CPQ: variants seen among roughly 807,000 people sequenced by gnomAD.
CPQ encodes the protein Ser-Met dipeptidase.
CPQ carries 37 observed loss-of-function variants against 45.7 expected under a neutral mutation model. The ratio of observed to expected loss-of-function variants is 0.81; its 90% CI spans 0.62 to 1.07. CPQ has a LOEUF of 1.07. Ranked by LOEUF, CPQ falls within the 50% of genes least tolerant of loss-of-function variation. CPQ has a pLI of 0.00. For missense variants in CPQ, 537 were observed against 572.9 expected (o/e 0.94, Z 0.64); for synonymous variants, 186 against 205.8 (o/e 0.90, Z 0.82).
chr8:96,678,775 A>G lies in CPQ; in HGVS notation c.-35+33373A>G, dbSNP rs369598708. On this transcript the variant is annotated intron_variant, in intron 1 of 7. Coordinates refer to ENST00000220763, the MANE Select transcript of CPQ (RefSeq NM_016134.4). ...TATTTGGGCTTTTTTTTTTTTTTTT[A>G]GCTGTTGAGTTGTTTGATTTCCTGT... 2.1e-4 allele frequency among the ~76,000 whole-genome samples: 4 copies of G among 18,676 alleles called. No individual in the cohort carries two copies. In the East Asian group the frequency reaches 5.2e-3, roughly 24 times the overall value. 12.3% of individuals were successfully genotyped at this position (18,676 alleles called of 152,430 possible).
intron 5 of CPQ, among the ~76,000 whole-genome samples, chr8:96,991,171 T>A (rs1809086405): frequency 6.6e-6 from 1 of 151,986 alleles, no homozygotes; most frequent in Admixed American, 6.6e-5. Context: ...GAGGCCTGAC[T>A]CTGCCACCTG....
At chr8:96,723,033 T>G (rs567759295) in intron 1 of CPQ, among the ~76,000 whole-genome samples, 1 of 152,334 alleles carries the variant, frequency 6.6e-6, no homozygotes, top group Admixed American at 6.5e-5. Context: ...TTAAAATGAT[T>G]AAATGCTTGT....
At chr8:96,757,506 T>C (rs1021610118) in intron 1 of CPQ, among the ~76,000 whole-genome samples, 4 of 151,666 alleles carry the variant, frequency 2.6e-5, no homozygotes. Context: ...CTAGGTAACC[T>C]GAAGTGCTCT....
chr8:97,003,385 C>T (rs1022647161), intron 5 of CPQ, among the ~76,000 whole-genome samples: 2 of 151,976 alleles, frequency 1.3e-5, no homozygotes, highest in Non-Finnish European at 2.9e-5. Flanking sequence ...TTTTGTAGTT[C>T]TAAACCCAAA....
intron 5 of CPQ, among the ~76,000 whole-genome samples, chr8:96,997,766 C>T (rs1010286509): frequency 7.9e-5 from 12 of 152,096 alleles, no homozygotes; most frequent in East Asian, 7.7e-4. Flanking sequence ...ATCATTACTT[C>T]ATATGCATCT....
At chr8:96,921,637 C>A (rs1378871649) in intron 4 of CPQ, among the ~76,000 whole-genome samples, 3 of 152,168 alleles carry the variant, frequency 2.0e-5, no homozygotes, top group Non-Finnish European at 4.4e-5. Context: ...ACTGCTGCTT[C>A]TTGAGCCAGG....
At chr8:97,106,531 C>T (rs1212310197) in intron 7 of CPQ, among the ~76,000 whole-genome samples, 1 of 152,182 alleles carries the variant, frequency 6.6e-6, no homozygotes, top group East Asian at 1.9e-4. Context: ...AGCCACTGGC[C>T]ACATGTGGCT....
rs1319794186 is a variant in CPQ at position 96,716,922 on chromosome 8, C to A, written c.-34-67942C>A. On this transcript the variant is annotated intron_variant, in intron 1 of 7. Coordinates refer to ENST00000220763, the MANE Select transcript of CPQ (RefSeq NM_016134.4). ...AAACTCCGTCACACACACACACATA[C>A]ACACACACACACGCAAGAATAATAA... 2.0e-5 allele frequency among the ~76,000 whole-genome samples: 3 copies of A among 148,252 alleles called. No homozygotes were observed. The East Asian group carries it at 5.9e-4, about 29-fold the overall frequency.
intron 2 of CPQ, among the ~76,000 whole-genome samples, chr8:96,793,696 G>C (rs1810883441): frequency 6.6e-6 from 1 of 152,136 alleles, no homozygotes; most frequent in Admixed American, 6.5e-5. Context: ...TCTCATCCGA[G>C]ACAAGGCAAG....
chr8:97,017,088 A>G (rs1358618188), intron 5 of CPQ, among the ~76,000 whole-genome samples: 2 of 152,160 alleles, frequency 1.3e-5, no homozygotes, highest in Non-Finnish European at 2.9e-5. Context: ...ACCCCAAAAA[A>G]CTGTAGAAGT....
chr8:97,019,688 T>C (rs1050009264), intron 5 of CPQ, among the ~76,000 whole-genome samples: 6 of 152,150 alleles, frequency 3.9e-5, no homozygotes, highest in African/African-American at 1.2e-4. Context: ...ATTCTAAATA[T>C]ATATGCACCT....
At chr8:96,876,038 T>C (rs536205095) in intron 3 of CPQ, among the ~76,000 whole-genome samples, 1 of 152,160 alleles carries the variant, frequency 6.6e-6, no homozygotes, top group African/African-American at 2.4e-5. Flanking sequence ...TTCTATTTTA[T>C]TGTTTTTATT....
chr8:96,743,979 C>A (rs1431189916), intron 1 of CPQ, among the ~76,000 whole-genome samples: 2 of 152,234 alleles, frequency 1.3e-5, no homozygotes, highest in Admixed American at 6.5e-5. Context: ...GCAGGCAGGC[C>A]TCCTTGAGCT....
chr8:96,658,668 G>A lies in CPQ; in HGVS notation c.-35+13266G>A, dbSNP rs531131402. Among the ~76,000 whole-genome samples the A allele has an allele frequency of 3.5e-4, 53 of 152,348 alleles. 1 individual carries two copies. The highest frequency in any genetic ancestry group is 3.3e-3 in the East Asian group (17 of 5,184). The stretch of plus-strand genomic sequence containing the variant: ...AATGTAATCACAAAGGTCTTTAAAA[G>A]TGGAAGAGTGAAGCAGAAGAAGTCA... On this transcript the variant is annotated intron_variant, in intron 1 of 7. Coordinates refer to ENST00000220763, the MANE Select transcript of CPQ (RefSeq NM_016134.4).
chr8:96,901,020 G>A (rs1321470738), intron 4 of CPQ, among the ~76,000 whole-genome samples: 2 of 152,094 alleles, frequency 1.3e-5, no homozygotes, highest in Non-Finnish European at 2.9e-5. Context: ...GCTCCTTGGA[G>A]AGATATATTC....
chr8:96,927,077 GT>G (rs1812902360), intron 4 of CPQ, among the ~76,000 whole-genome samples: 1 of 152,194 alleles, frequency 6.6e-6, no homozygotes, highest in Non-Finnish European at 1.5e-5. Flanking sequence ...GAAGTTTTCT[GT>G]TTAACGTTGT....
At chr8:96,703,276 G>A (rs1809492149) in intron 1 of CPQ, among the ~76,000 whole-genome samples, 1 of 152,094 alleles carries the variant, frequency 6.6e-6, no homozygotes, top group African/African-American at 2.4e-5. Flanking sequence ...TGCCACCTAA[G>A]TTTAGCTTGA....
chr8:97,129,696 A>G (rs912364915), intron 7 of CPQ, among the ~76,000 whole-genome samples: 2 of 152,156 alleles, frequency 1.3e-5, no homozygotes, highest in African/African-American at 4.8e-5. Flanking sequence ...GAACTTAGGG[A>G]AAATGAGGCT....
intron 7 of CPQ, among the ~76,000 whole-genome samples, chr8:97,103,690 A>G (rs73268776): frequency 0.044 from 6,737 of 152,270 alleles, 500 homozygotes; most frequent in African/African-American, 0.15. Context: ...ATCCCAGGAA[A>G]GATGGATGGA....
Sources: gnomAD v4.1 joint callset for allele counts (sites outside exome capture counted in the v4.1 genomes callset) on GRCh38, gnomAD v4.1.1 for gene constraint, MANE v1.5 for transcripts, NCBI Gene and HGNC (gene_info 2026-07-23, HGNC 2026-07-21) for gene names.